The following PLXNA4 variants were observed in gnomAD, a reference collection of about 807,000 sequenced individuals.
The protein encoded by PLXNA4 is plexin A4, also known as plexin-A4.
In PLXNA4, 44 loss-of-function variants were observed where a neutral mutation model predicts 191.8. The ratio of observed to expected loss-of-function variants is 0.23; its 90% CI spans 0.18 to 0.29. The LOEUF (loss-of-function observed/expected upper bound fraction) is 0.29, where lower values mean the gene tolerates loss of function less well. Among genes scored for constraint, PLXNA4 ranks in the 10% least tolerant of loss-of-function variants. The pLI is 1.00. For missense variants in PLXNA4, 1,800 were observed against 2,488.8 expected (o/e 0.72, Z 5.89); for synonymous variants, 1,082 against 1,009.5 (o/e 1.07, Z -1.36).
At chr7:132,133,335 C>G in intron 30 of PLXNA4, 136 bp from the exon 31 acceptor site, 1 of 1,406,050 alleles carries the variant, frequency 7.1e-7, no homozygotes, top group Admixed American at 2.3e-5. Context: ...CTGTGGCCAC[C>G]TGGGGACCAC....
intron 14 of PLXNA4, among the ~76,000 whole-genome samples, chr7:132,189,543 A>G (rs1797022297): frequency 6.6e-6 from 1 of 152,038 alleles, no homozygotes; most frequent in Non-Finnish European, 1.5e-5. Flanking sequence ...TGATTGTGGG[A>G]GAGGACAAAT....
Position 132,583,350 on chromosome 7 carries a change from G to A in PLXNA4, c.-87+62578C>T, listed in dbSNP as rs147138338. 8.6e-3 allele frequency among the ~76,000 whole-genome samples: 1,307 copies of A among 152,298 alleles called. 20 individuals are homozygous for A. Among genetic ancestry groups the A allele is most frequent in the African/African-American group, 0.03 (1,233 of 41,564 alleles). On this transcript the variant is annotated intron_variant, in intron 2 of 4. Transcript: ENST00000378539. ...GGCCCAAGGATGCTTCCTATAGATG[G>A]CAGGTAGAGTAAAAAGAGACTAGAA...
intron 3 of PLXNA4, among the ~76,000 whole-genome samples, chr7:132,331,156 T>A (rs2116694933): frequency 6.6e-6 from 1 of 152,322 alleles, no homozygotes; most frequent in East Asian, 1.9e-4. Context: ...CAGCAGGAAT[T>A]AATACAACCA....
At chr7:132,269,640 ATTTTTTTTCTGCCAAAAAAAGATCTTT>A (rs933276383) in intron 4 of PLXNA4, among the ~76,000 whole-genome samples, 22 of 151,750 alleles carry the variant, frequency 1.4e-4, no homozygotes, top group African/African-American at 5.3e-4. Context: ...TGACACATTA[ATTTTTTTTCTGCCAAAAAAAGATCTTT>A]TTTTTTTTCT....
chr7:132,532,900 C>T (rs561553714), intron 1 of PLXNA4, among the ~76,000 whole-genome samples: 3 of 152,306 alleles, frequency 2.0e-5, no homozygotes, highest in East Asian at 1.9e-4. Context: ...CTGAGACTAA[C>T]TATTTATTCC....
At chr7:132,147,843 A>G (rs1435236961) in intron 27 of PLXNA4, 57 bp downstream of exon 27, 1 of 1,610,924 alleles carries the variant, frequency 6.2e-7, no homozygotes, top group South Asian at 1.1e-5. Flanking sequence ...TGCTGCTGTC[A>G]TGACAACAGC....
In PLXNA4 at chr7:132,564,558, G is replaced by A. The variant is rs189326814; in HGVS notation, c.-87+11864C>T. Among the ~76,000 whole-genome samples, 91 of 152,204 alleles carry A rather than the reference G, an allele frequency of 6.0e-4. 1 individual carries two copies. Among genetic ancestry groups the A allele is most frequent in the East Asian group, 3.9e-4 (2 of 5,168 alleles). ...ATTCTCTATTCCCACGTATGTTGTG[G>A]CCACACTAAGCTGTGAACTCCCTGC... On this transcript the variant is annotated intron_variant, in intron 1 of 31. Transcript: ENST00000321063.
At chr7:132,302,678 C>T (rs968354688) in intron 3 of PLXNA4, among the ~76,000 whole-genome samples, 1 of 151,132 alleles carries the variant, frequency 6.6e-6, no homozygotes, top group South Asian at 2.1e-4. Flanking sequence ...ACATTCAGTT[C>T]ACCGCTCATA....
chr7:132,620,514 T>G (rs755819511), intron 2 of PLXNA4, among the ~76,000 whole-genome samples: 17 of 152,150 alleles, frequency 1.1e-4, no homozygotes, highest in Non-Finnish European at 2.4e-4. Flanking sequence ...AACAATAAAA[T>G]CAAAAGTCTC....
At chr7:132,223,762 C>G in intron 8 of PLXNA4, 121 bp from the exon 9 acceptor site, 2 of 715,352 alleles carry the variant, frequency 2.8e-6, no homozygotes, top group Non-Finnish European at 4.9e-6. Flanking sequence ...GTTGAATGTG[C>G]AGGAAGGGCA....
chr7:132,317,546 G>T (rs188898008), intron 3 of PLXNA4, among the ~76,000 whole-genome samples: 2 of 152,278 alleles, frequency 1.3e-5, no homozygotes, highest in South Asian at 2.1e-4. Context: ...GATGGGGTTG[G>T]ATTGGGTTGT....
At chr7:132,432,622 A>G (rs1351838498) in intron 3 of PLXNA4, among the ~76,000 whole-genome samples, 2 of 152,148 alleles carry the variant, frequency 1.3e-5, no homozygotes, top group Non-Finnish European at 2.9e-5. Flanking sequence ...GGACTATTTC[A>G]CAGATGGAAA....
rs553120044 is a variant in PLXNA4, at chr7:132,604,235, C to G, written c.-87+41693G>C. 2.6e-5 allele frequency among the ~76,000 whole-genome samples: 4 copies of G among 152,306 alleles called. No individual in the cohort carries two copies. In the East Asian group the frequency reaches 7.7e-4, roughly 29 times the overall value. ...TGAGTGCTGAGAGAAATCAGTCTCT[C>G]TCTGGATAGTGGCCCATGAACTCCC... On this transcript the variant is annotated intron_variant, in intron 2 of 4. Transcript: ENST00000378539.
intron 4 of PLXNA4, among the ~76,000 whole-genome samples, chr7:132,257,753 C>T (rs1314971905): frequency 1.3e-5 from 2 of 152,112 alleles, no homozygotes; most frequent in Non-Finnish European, 2.9e-5. Context: ...CAGTTGTGGC[C>T]CTGTAGATTT....
intron 4 of PLXNA4, among the ~76,000 whole-genome samples, chr7:132,295,605 G>A (rs1405610664): frequency 2.0e-5 from 3 of 152,180 alleles, no homozygotes; most frequent in South Asian, 2.1e-4. Context: ...GCTCTATTCC[G>A]CATGCCCAAC....
intron 3 of PLXNA4, among the ~76,000 whole-genome samples, chr7:132,307,026 G>T (rs937180302): frequency 6.6e-6 from 1 of 152,104 alleles, no homozygotes; most frequent in Admixed American, 6.5e-5. Context: ...TTGTGGAAGA[G>T]CTGCCTAGTT....
At chr7:132,216,581 T>C (rs866307057) in intron 9 of PLXNA4, among the ~76,000 whole-genome samples, 1 of 152,308 alleles carries the variant, frequency 6.6e-6, no homozygotes. Context: ...CATGGTTAAC[T>C]TGGTACAAGC....
At chr7:132,217,923 T>TTTTTTTTTTTTTTTTTTTTTG (rs1798017801) in intron 9 of PLXNA4, among the ~76,000 whole-genome samples, 1 of 120,796 alleles carries the variant, frequency 8.3e-6, no homozygotes, top group Non-Finnish European at 1.7e-5. Context: ...TTTTTTTTTT[T>TTTTTTTTTTTTTTTTTTTTTG]TTTTCACAGC....
At chr7:132,610,374 C>CTGCTAT (rs1216364934) in intron 2 of PLXNA4, among the ~76,000 whole-genome samples, 6 of 152,328 alleles carry the variant, frequency 3.9e-5, no homozygotes, top group Middle Eastern at 3.4e-3. Flanking sequence ...AGGGACTGCT[C>CTGCTAT]TGCTATTGCT....
Sources: allele counts gnomAD v4.1 joint callset (sites outside exome capture counted in the v4.1 genomes callset), GRCh38; gene constraint gnomAD v4.1.1; transcripts MANE v1.5; gene names NCBI Gene and HGNC (gene_info 2026-07-23, HGNC 2026-07-21).